Variants in POLK observed in about 807,000 individuals in gnomAD.
POLK encodes the protein DNA polymerase kappa, also known as polymerase (DNA directed) kappa.
In POLK, 76 loss-of-function variants were observed where a neutral mutation model predicts 94.0. The observed-to-expected ratio is 0.81, with a 90% CI of 0.67 to 0.98. The LOEUF (loss-of-function observed/expected upper bound fraction) is 0.98. POLK is among the 50% of genes least tolerant of loss of function. The pLI, the probability that POLK is intolerant of heterozygous loss-of-function variation, is 0.00. For missense variants in POLK, 954 were observed against 1,010.1 expected, an observed-to-expected ratio of 0.94 and a Z score of 0.75; for synonymous variants, 349 against 325.4, an observed-to-expected ratio of 1.07 and a Z score of -0.78.
At position 75,568,818 on chromosome 5, in the gene POLK, T is replaced by C. The variant is rs147176003; in HGVS notation, c.256-522T>C. ...ACTATATTTTGTTGTATATTTCCTT[T>C]GTTGCTTTTTTAAGACATTATTATT... On this transcript the variant is annotated intron_variant, in intron 3 of 14. Transcript: ENST00000241436. The C allele has an allele frequency of 1.7e-3, 350 of 201,916 alleles. 4 individuals carry two copies. In the East Asian group the frequency reaches 0.026, roughly 15 times the overall value. The allele number at this position is 201,916 out of a possible 1,614,324, so 12.5% of individuals were successfully genotyped here.
At chr5:75,548,600 TATTA>T (rs1370518910) in intron 2 of POLK, among the ~76,000 whole-genome samples, 1 of 151,410 alleles carries the variant, frequency 6.6e-6, no homozygotes, top group Non-Finnish European at 1.5e-5. Flanking sequence ...ACAATACATG[TATTA>T]ATATACATGT....
rs1771478684 is a variant in POLK at position 75,569,586 on chromosome 5, C to T, written c.408+94C>T. 1.5e-5 allele frequency: 16 copies of T among 1,068,530 alleles called. No individual in the cohort carries two copies. In the East Asian group the frequency reaches 3.7e-4, roughly 25 times the overall value. 66.2% of individuals were successfully genotyped at this position (1,068,530 alleles called of 1,614,324 possible). A position where few individuals can be genotyped will look rare whatever the true frequency, so the allele number is the denominator to read the frequency against. ...GGGGGAATTCTTTATTGAGGTCTAC[C>T]AGTTTGCTGAGTATTTTTCTGGGTG... is the stretch of plus-strand genomic sequence containing the variant. On this transcript the variant is annotated intron_variant, in intron 4 of 14. Coordinates refer to ENST00000241436, the Ensembl canonical transcript of POLK.
At chr5:75,543,834 G>A (rs1769874319) in intron 1 of POLK, among the ~76,000 whole-genome samples, 1 of 151,942 alleles carries the variant, frequency 6.6e-6, no homozygotes, top group Admixed American at 6.6e-5. Context: ...TTGTTTGTTT[G>A]TTTGGTTTGG....
chr5:75,581,135 A>T, intron 6 of POLK, 74 bp from the exon 7 acceptor site: 1 of 1,056,682 alleles, frequency 9.5e-7, no homozygotes, highest in Non-Finnish European at 1.4e-6. Flanking sequence ...TTCAGAAATA[A>T]TGTAGGGAAA....
Position 75,559,521 on chromosome 5 carries a change from TTG to T in POLK, c.255+6932_255+6933del, listed in dbSNP as rs1255390506. On this transcript the variant is annotated intron_variant, in intron 3 of 14. Coordinates refer to ENST00000241436, the Ensembl canonical transcript of POLK. ...TTGGGGTTTGTTTTTTTGTTTTGTT[TTG>T]TTTTTTTTTTTTTTTTTTTTTTTTT... 1.9e-3 allele frequency among the ~76,000 whole-genome samples: 261 copies of T among 140,428 alleles called. 13 individuals carry two copies. The highest frequency in any genetic ancestry group is 3.2e-3 in the South Asian group (14 of 4,320). The allele number at this position is 140,428 out of a possible 152,430, so 92.1% of individuals were successfully genotyped here.
At chr5:75,511,573 C>T (rs1768006915), upstream of POLK, 1 of 1,461,268 alleles carries the variant, frequency 6.8e-7, no homozygotes, top group Non-Finnish European at 9.0e-7. Flanking sequence ...GCCGCTGAGT[C>T]CCGCGTCCAC....
chr5:75,553,401 C>A (rs1276562646), intron 3 of POLK, among the ~76,000 whole-genome samples: 1 of 152,106 alleles, frequency 6.6e-6, no homozygotes, highest in Non-Finnish European at 1.5e-5. Context: ...GCTACAAAAT[C>A]CTTCTCTTGT....
chr5:75,583,407 C>G (rs1311933966), exon 8 of POLK: 1 of 1,594,124 alleles, frequency 6.3e-7, no homozygotes, highest in African/African-American at 1.3e-5. Context: ...AAGGATTTAC[C>G]CATTAGAAAG....
At chr5:75,602,670 T>C (rs1773320892), downstream of POLK, among the ~76,000 whole-genome samples, 1 of 152,236 alleles carries the variant, frequency 6.6e-6, no homozygotes, top group East Asian at 1.9e-4. Context: ...GAGGATGGGC[T>C]ATGCGTTTTG....
chr5:75,519,047 A>G (rs1377414043), intron 1 of POLK, among the ~76,000 whole-genome samples: 1 of 152,056 alleles, frequency 6.6e-6, no homozygotes, highest in East Asian at 1.9e-4. Context: ...GCTGGCCTCA[A>G]ACTCTTGGCT....
chr5:75,598,040 AT>A (rs755559903), exon 15 of POLK: 3 of 933,680 alleles, frequency 3.2e-6, no homozygotes, highest in South Asian at 1.7e-5. Flanking sequence ...TTTATCATTA[AT>A]TTTTAATTGA....
In POLK at chr5:75,553,530, A is replaced by G. The variant is rs912907783; in HGVS notation, c.255+939A>G. On this transcript the variant is annotated intron_variant, in intron 3 of 14. Coordinates refer to ENST00000241436, the Ensembl canonical transcript of POLK. ...AATTTTTAAGTGGTCTTCTATTATG[A>G]TGAAAGATGATTTATTTGTCATATC... 1.2e-4 allele frequency among the ~76,000 whole-genome samples: 19 copies of G among 152,318 alleles called. 1 individual carries two copies. The highest frequency in any genetic ancestry group is 4.3e-4 in the African/African-American group (18 of 41,590).
chr5:75,538,379 A>G (rs969576813), intron 1 of POLK, among the ~76,000 whole-genome samples: 4 of 152,212 alleles, frequency 2.6e-5, no homozygotes, highest in African/African-American at 4.8e-5. Flanking sequence ...AACTTAAACC[A>G]CATATTAAGC....
intron 6 of POLK, among the ~76,000 whole-genome samples, chr5:75,578,656 C>T (rs997826665): frequency 2.0e-5 from 3 of 152,150 alleles, no homozygotes; most frequent in Non-Finnish European, 4.4e-5. Context: ...TCTCACCTCA[C>T]ATCATGCCAT....
intron 10 of POLK, among the ~76,000 whole-genome samples, chr5:75,588,097 G>GA (rs376262445): frequency 0.017 from 2,515 of 147,920 alleles, 37 homozygotes; most frequent in Non-Finnish European, 0.024. Flanking sequence ...AAGAGAGAGA[G>GA]AAAAAAAAAA....
intron 3 of POLK, among the ~76,000 whole-genome samples, chr5:75,556,547 T>C (rs1770628193): frequency 6.6e-6 from 1 of 152,194 alleles, no homozygotes; most frequent in Admixed American, 6.5e-5. Context: ...CTTTCTTTCA[T>C]GGATTGTGCC....
At position 75,584,753 on chromosome 5, in the gene POLK, TTTCTA is replaced by T. The variant is rs759820400; in HGVS notation, c.1060-6_1060-2del. The stretch of plus-strand genomic sequence containing the variant: ...TCTATTAATAATAAATATTGATTCT[TTTCTA>T]GGTTTCTGGAATAGGAAAAGTTACA... On this transcript the variant is annotated splice_acceptor_variant and splice_polypyrimidine_tract_variant and intron_variant, in intron 8 of 14. Coordinates refer to ENST00000241436, the Ensembl canonical transcript of POLK. LOFTEE classifies it high-confidence loss of function. 10 of 1,446,762 alleles carry T rather than the reference TTTCTA, an allele frequency of 6.9e-6. No homozygotes were observed. In the East Asian group the frequency reaches 9.3e-5, roughly 13 times the overall value. 89.6% of individuals were successfully genotyped at this position (1,446,762 alleles called of 1,614,324 possible).
At position 75,559,505 on chromosome 5, in the gene POLK, G is replaced by GTT. The variant is rs1561371144; in HGVS notation, c.255+6920_255+6921dup. Among the ~76,000 whole-genome samples, 377 of 70,054 alleles carry GTT rather than the reference G, an allele frequency of 5.4e-3. 20 individuals are homozygous for GTT. Among genetic ancestry groups the GTT allele is most frequent in the South Asian group, 0.011 (19 of 1,718 alleles). The allele number at this position is 70,054 out of a possible 152,430, so 46.0% of individuals were successfully genotyped here. On this transcript the variant is annotated intron_variant, in intron 3 of 14. Coordinates refer to ENST00000241436, the Ensembl canonical transcript of POLK. ...TTGGCAATTTATTGATTTGGGGTTT[G>GTT]TTTTTTTGTTTTGTTTTGTTTTTTT...
At chr5:75,550,920 G>C (rs1770304394) in intron 2 of POLK, among the ~76,000 whole-genome samples, 1 of 151,900 alleles carries the variant, frequency 6.6e-6, no homozygotes, top group South Asian at 2.1e-4. Context: ...GTGCAGTCAG[G>C]CAATAAAAAT....
Sources: allele counts gnomAD v4.1 joint callset (sites outside exome capture counted in the v4.1 genomes callset), GRCh38; gene constraint gnomAD v4.1.1; transcripts MANE v1.5; gene names NCBI Gene and HGNC (gene_info 2026-07-23, HGNC 2026-07-21).